The following ADGRL3 variants were observed in gnomAD, a reference collection of about 807,000 sequenced individuals.
ADGRL3 encodes calcium-independent alpha-latrotoxin receptor 3.
A neutral mutation model predicts 153.5 loss-of-function variants in ADGRL3; 62 were observed. The ratio of observed to expected loss-of-function variants is 0.40; its 90% confidence interval spans 0.33 to 0.50. The LOEUF (loss-of-function observed/expected upper bound fraction) is 0.50. Among genes scored for constraint, ADGRL3 ranks in the 20% least tolerant of loss-of-function variants. ADGRL3 has a pLI of 0.47. For missense variants in ADGRL3, 1,641 were observed against 1,859.4 expected (o/e 0.88, Z 2.16); for synonymous variants, 710 against 672.5 (o/e 1.06, Z -0.86).
At chr4:62,057,211 A>G (rs750144380) in intron 25 of ADGRL3, among the ~76,000 whole-genome samples, 3 of 152,154 alleles carry the variant, frequency 2.0e-5, no homozygotes, top group Non-Finnish European at 4.4e-5. Flanking sequence ...GTTTCAAAGC[A>G]CATCATTCAG....
intron 5 of ADGRL3, among the ~76,000 whole-genome samples, chr4:61,600,006 T>C (rs2099004410): frequency 2.0e-5 from 3 of 152,136 alleles, no homozygotes; most frequent in African/African-American, 7.2e-5. Flanking sequence ...AACTGAAAGT[T>C]TTCTAATTAA....
intron 1 of ADGRL3, among the ~76,000 whole-genome samples, chr4:61,285,740 C>T (rs1218870440): frequency 6.6e-6 from 1 of 151,774 alleles, no homozygotes; most frequent in African/African-American, 2.4e-5. Context: ...CCTTTTGGTG[C>T]TCTCCTTACA....
At chr4:61,404,630 T>C (rs76929872) in intron 2 of ADGRL3, among the ~76,000 whole-genome samples, 1 of 152,214 alleles carries the variant, frequency 6.6e-6, no homozygotes, top group East Asian at 1.9e-4. Flanking sequence ...TCTTTAAATA[T>C]GTCAATTTTA....
At chr4:61,357,865 A>T (rs2096207514) in intron 1 of ADGRL3, among the ~76,000 whole-genome samples, 1 of 152,204 alleles carries the variant, frequency 6.6e-6, no homozygotes. Flanking sequence ...TCACAAGCAG[A>T]CACCTACATA....
chr4:61,384,467 A>T (rs940470427), intron 2 of ADGRL3, among the ~76,000 whole-genome samples: 1 of 150,902 alleles, frequency 6.6e-6, no homozygotes, highest in Admixed American at 6.6e-5. Context: ...TGTGTAATAG[A>T]TATATGTATA....
At chr4:61,448,704 GAA>G (rs2097621215) in intron 2 of ADGRL3, among the ~76,000 whole-genome samples, 7 of 20,358 alleles carry the variant, frequency 3.4e-4, no homozygotes, top group African/African-American at 5.2e-4. Context: ...AGGAACGAAG[GAA>G]AGAAAGAAGG....
chr4:61,507,385 C>A (rs1176174944), intron 3 of ADGRL3, among the ~76,000 whole-genome samples: 1 of 152,022 alleles, frequency 6.6e-6, no homozygotes, highest in Non-Finnish European at 1.5e-5. Flanking sequence ...TTTATGTTGT[C>A]CCTCTGCAGA....
At chr4:61,532,408 T>C (rs746584268) in intron 4 of ADGRL3, among the ~76,000 whole-genome samples, 5 of 152,128 alleles carry the variant, frequency 3.3e-5, no homozygotes, top group African/African-American at 7.2e-5. Flanking sequence ...GTCCTGATTG[T>C]TCACTCCCAC....
chr4:62,024,649 G>A (rs1173252461), intron 21 of ADGRL3, among the ~76,000 whole-genome samples: 1 of 151,728 alleles, frequency 6.6e-6, no homozygotes, highest in African/African-American at 2.4e-5. Flanking sequence ...CTGAATGCCA[G>A]GCTGGGCACG....
intron 1 of ADGRL3, among the ~76,000 whole-genome samples, chr4:61,204,828 T>A (rs1736394467): frequency 6.6e-6 from 1 of 152,174 alleles, no homozygotes; most frequent in African/African-American, 2.4e-5. Flanking sequence ...ATTTGCCTGA[T>A]GGGTAAATGC....
chr4:61,578,945 C>T (rs942395729), intron 4 of ADGRL3, among the ~76,000 whole-genome samples: 1 of 152,132 alleles, frequency 6.6e-6, no homozygotes, highest in Non-Finnish European at 1.5e-5. Flanking sequence ...TCTTCTGGGT[C>T]ATCGGCCTAT....
At position 61,533,492 on chromosome 4, in the gene ADGRL3, T is replaced by C. The variant is rs975122254; in HGVS notation, c.259+15974T>C. ...ATTTGTATTTTTTTTATCACCTTCA[T>C]TGTAACTATTTTCACTAGTTTCACC... On this transcript the variant is annotated intron_variant, in intron 4 of 26. Coordinates refer to ENST00000683033, the MANE Select transcript of ADGRL3 (RefSeq NM_001387552.1). Among the ~76,000 whole-genome samples the C allele has an allele frequency of 1.3e-4, 20 of 151,878 alleles. 1 individual carries two copies. The highest frequency in any genetic ancestry group is 4.9e-4 in the African/African-American group (20 of 41,192).
intron 9 of ADGRL3, among the ~76,000 whole-genome samples, chr4:61,885,215 G>C (rs904138899): frequency 3.3e-5 from 5 of 152,074 alleles, no homozygotes; most frequent in African/African-American, 1.2e-4. Flanking sequence ...TGTAATCCCA[G>C]CTACTCAGCA....
chr4:61,289,908 T>C (rs538183356), intron 1 of ADGRL3, among the ~76,000 whole-genome samples: 3 of 152,096 alleles, frequency 2.0e-5, no homozygotes, highest in Non-Finnish European at 4.4e-5. Context: ...TTAAACAAAA[T>C]TACCCATGTA....
intron 8 of ADGRL3, among the ~76,000 whole-genome samples, chr4:61,733,944 G>A (rs534505801): frequency 2.0e-5 from 3 of 152,240 alleles, no homozygotes; most frequent in African/African-American, 7.2e-5. Flanking sequence ...CTTGTCAAAG[G>A]GTTAACTTGA....
At chr4:61,310,951 A>G (rs2094978230) in intron 1 of ADGRL3, among the ~76,000 whole-genome samples, 1 of 151,944 alleles carries the variant, frequency 6.6e-6, no homozygotes, top group African/African-American at 2.4e-5. Flanking sequence ...ATTAGTTAAT[A>G]TCTTAGGTGC....
chr4:61,997,246 G>GAAA (rs770994492), intron 20 of ADGRL3, among the ~76,000 whole-genome samples: 1 of 71,804 alleles, frequency 1.4e-5, no homozygotes, highest in Admixed American at 1.6e-4. Flanking sequence ...TATTTCAACA[G>GAAA]AAAAAAAAAA....
At chr4:61,216,367 CT>C (rs924458662) in intron 1 of ADGRL3, among the ~76,000 whole-genome samples, 1 of 151,444 alleles carries the variant, frequency 6.6e-6, no homozygotes, top group Admixed American at 6.6e-5. Flanking sequence ...TTTATCTCAG[CT>C]TTTTTTTAAT....
intron 1 of ADGRL3, among the ~76,000 whole-genome samples, chr4:61,340,135 C>T (rs2095776044): frequency 6.6e-6 from 1 of 152,222 alleles, no homozygotes; most frequent in Admixed American, 6.5e-5. Flanking sequence ...GGTGATTAGG[C>T]TTGTATTTTA....
Sources: allele counts gnomAD v4.1 joint callset (sites outside exome capture counted in the v4.1 genomes callset), GRCh38; gene constraint gnomAD v4.1.1; transcripts MANE v1.5; gene names NCBI Gene and HGNC (gene_info 2026-07-23, HGNC 2026-07-21).